Variants in TENM3 observed in about 807,000 individuals in gnomAD.
The protein encoded by TENM3 is teneurin transmembrane protein 3.
A neutral mutation model predicts 255.1 loss-of-function variants in TENM3; 63 were observed. The ratio of observed to expected loss-of-function variants is 0.25; its 90% CI spans 0.20 to 0.30. The LOEUF is 0.30. Among genes scored for constraint, TENM3 ranks in the 10% least tolerant of loss-of-function variants. The pLI is 1.00. For missense variants in TENM3, 2,929 were observed against 3,461.1 expected, an observed-to-expected ratio of 0.85 and a Z score of 3.86; for synonymous variants, 1,306 against 1,322.3, an observed-to-expected ratio of 0.99 and a Z score of 0.27.
At chr4:182,112,242 G>A in the TENM3 span, among the ~76,000 whole-genome samples, 4 of 151,900 alleles carry the variant, frequency 2.6e-5, no homozygotes, top group East Asian at 5.8e-4. Context: ...AGAGTATAGC[G>A]CGCCCTCCCC....
At chr4:181,917,264 C>T in the TENM3 span, among the ~76,000 whole-genome samples, 22 of 152,066 alleles carry the variant, frequency 1.4e-4, no homozygotes, top group South Asian at 2.1e-4. Flanking sequence ...CATTCAAAGG[C>T]GGTAGGTATA....
chr4:181,781,296 G>A, the TENM3 span, among the ~76,000 whole-genome samples: 13 of 151,942 alleles, frequency 8.6e-5, no homozygotes, highest in South Asian at 2.1e-4. Context: ...CTTTCATTTC[G>A]TTGAGCAGTG....
rs1762596496 is a variant in TENM3, at chr4:182,754,583, A to G, written c.4216A>G (p.Thr1406Ala). ...HAVQTTLESA[T>A]AIAVSYSGVL... The stretch of plus-strand genomic sequence containing the variant: ...GGTGCAGACAACACTGGAATCAGCC[A>G]CTGCCATTGCTGTGTCCTACAGTGG... Residue 1406 changes from threonine to alanine, a missense_variant, in exon 22 of 28, where the codon ACT becomes GCT. Thr to Ala is a moderately conservative substitution (Grantham distance 58). Around this residue, in one of 6 missense-constraint regions of TENM3, gnomAD observed 1,608 missense variants for 1,884.4 expected, o/e 0.85. Coordinates refer to ENST00000511685, the MANE Select transcript of TENM3 (RefSeq NM_001080477.4). This position sits in a 1 kb window ranked among gnomAD's most constrained non-coding sequence, Gnocchi z 5.1. The G allele has an allele frequency of 1.2e-6, 2 of 1,614,042 alleles. No individual in the cohort carries two copies. The highest frequency in any genetic ancestry group is 1.7e-6 in the Non-Finnish European group (2 of 1,179,884).
chr4:181,865,511 A>T, the TENM3 span, among the ~76,000 whole-genome samples: 1 of 152,106 alleles, frequency 6.6e-6, no homozygotes, highest in East Asian at 1.9e-4. Context: ...GAATCCTCTT[A>T]GTGTTTGATC....
the TENM3 span, among the ~76,000 whole-genome samples, chr4:181,637,714 C>T: frequency 1.3e-5 from 2 of 152,196 alleles, no homozygotes; most frequent in South Asian, 2.1e-4. Flanking sequence ...CAGACATTGT[C>T]TGTAGCAAGC....
At chr4:182,316,266 T>A (rs1351109517) in intron 1 of TENM3, among the ~76,000 whole-genome samples, 1 of 152,194 alleles carries the variant, frequency 6.6e-6, no homozygotes, top group African/African-American at 2.4e-5. Flanking sequence ...TAAGTTTTGC[T>A]AGGTAGAACC....
chr4:181,462,481 C>A, the TENM3 span, among the ~76,000 whole-genome samples: 1 of 152,132 alleles, frequency 6.6e-6, no homozygotes, highest in Non-Finnish European at 1.5e-5. Flanking sequence ...AATCTTAGTA[C>A]TCACTTCTTT....
chr4:182,583,851 A>G (rs1191630491), intron 3 of TENM3, among the ~76,000 whole-genome samples: 1 of 152,222 alleles, frequency 6.6e-6, no homozygotes, highest in Non-Finnish European at 1.5e-5. Context: ...CAGATAATGT[A>G]CATGCTTGCT....
chr4:182,747,957 C>T (rs1762126162), intron 19 of TENM3, among the ~76,000 whole-genome samples: 1 of 152,188 alleles, frequency 6.6e-6, no homozygotes, highest in Non-Finnish European at 1.5e-5. Flanking sequence ...GTTCTAAAGG[C>T]TGTGACACAG....
chr4:182,474,978 A>T (rs1335867952), intron 3 of TENM3, among the ~76,000 whole-genome samples: 3 of 152,168 alleles, frequency 2.0e-5, no homozygotes, highest in Non-Finnish European at 4.4e-5. Flanking sequence ...GTATCTACAC[A>T]CTTCAGCTCT....
intron 3 of TENM3, among the ~76,000 whole-genome samples, chr4:182,524,582 A>G (rs1410868825): frequency 1.3e-5 from 2 of 151,614 alleles, no homozygotes; most frequent in African/African-American, 4.8e-5. Context: ...GCTGATCTCA[A>G]ACTCCTGGGC....
chr4:181,997,330 C>CA, the TENM3 span, among the ~76,000 whole-genome samples: 1 of 152,082 alleles, frequency 6.6e-6, no homozygotes, highest in Non-Finnish European at 1.5e-5. Flanking sequence ...ACGTGTGATA[C>CA]CTTTCAACGG....
chr4:182,744,093 CTTTTTTTTTTTTT>C, intron 19 of TENM3: 1 of 448,210 alleles, frequency 2.2e-6, no homozygotes, highest in South Asian at 1.0e-4. Flanking sequence ...ACTGTGCTTT[CTTTTTTTTTTTTT>C]TTTTTTTTTT....
At position 182,501,139 on chromosome 4, in the gene TENM3, T is replaced by G. The variant is rs1346160259; in HGVS notation, c.512-99785T>G. ...TCCACTCTTAAAATTCTAGAAAAAG[T>G]TATATCAAACAAATACTTGTCTTGC... On this transcript the variant is annotated intron_variant, in intron 3 of 27. Transcript: ENST00000511685. 2.6e-5 allele frequency among the ~76,000 whole-genome samples: 4 copies of G among 152,106 alleles called. No homozygotes were observed. The East Asian group carries it at 7.7e-4, about 29-fold the overall frequency.
At chr4:181,641,690 T>C in the TENM3 span, among the ~76,000 whole-genome samples, 1 of 64,852 alleles carries the variant, frequency 1.5e-5, no homozygotes, top group Non-Finnish European at 3.3e-5. Context: ...AAAATATATA[T>C]AATGTATAAT....
chr4:182,425,997 G>A (rs1771179287), intron 3 of TENM3, among the ~76,000 whole-genome samples: 1 of 88,246 alleles, frequency 1.1e-5, no homozygotes, highest in Non-Finnish European at 2.3e-5. Context: ...GACAGAGCGA[G>A]AGTCCATGTC....
Position 182,378,967 on chromosome 4 carries a change from A to C in TENM3, c.511+32038A>C, listed in dbSNP as rs550024490. On this transcript the variant is annotated intron_variant, in intron 3 of 27. Transcript: ENST00000511685. ...TACAAATAACTGGGTACGTGGCAGA[A>C]GGTGCGTACCGTGGCCAGTATGCAC... 9.1e-4 allele frequency among the ~76,000 whole-genome samples: 138 copies of C among 152,268 alleles called. 1 individual carries two copies. Among genetic ancestry groups the C allele is most frequent in the Middle Eastern group, 6.8e-3 (2 of 294 alleles).
chr4:182,617,709 G>A lies in TENM3; in HGVS notation c.750-10942G>A, dbSNP rs78954922. On this transcript the variant is annotated intron_variant, in intron 4 of 27. Transcript: ENST00000511685. ...AATCAAAACATCTAATTTGAAGAAA[G>A]CAATCTATATTCTAGATTACTTTTT... Among the ~76,000 whole-genome samples, 632 of 152,234 alleles carry A rather than the reference G, an allele frequency of 4.2e-3. 31 individuals carry two copies. The East Asian group carries it at 0.11, about 27-fold the overall frequency.
At chr4:182,493,401 T>G (rs563004602) in intron 3 of TENM3, among the ~76,000 whole-genome samples, 57 of 152,196 alleles carry the variant, frequency 3.7e-4, no homozygotes, top group Non-Finnish European at 7.4e-4. Context: ...GTTGGAAAGC[T>G]TTCAAAGGGT....
Sources: gnomAD v4.1 joint callset for allele counts (sites outside exome capture counted in the v4.1 genomes callset) on GRCh38, gnomAD v4.1.1 for gene constraint, gnomAD v4.1.1 regional missense constraint, Gnocchi (gnomAD v3.1) non-coding constraint, MANE v1.5 for transcripts, NCBI Gene and HGNC (gene_info 2026-07-23, HGNC 2026-07-21) for gene names.